FREM2: variants seen among roughly 807,000 people sequenced by gnomAD.
The protein encoded by FREM2 is FRAS1 related extracellular matrix 2.
A neutral mutation model predicts 219.9 loss-of-function variants in FREM2; 119 were observed. That is an observed-to-expected ratio of 0.54 (90% CI 0.47 to 0.63). The LOEUF (loss-of-function observed/expected upper bound fraction) is 0.63, where lower values mean the gene tolerates loss of function less well. Ranked by LOEUF, FREM2 falls within the 30% of genes least tolerant of loss-of-function variation. The pLI is 0.00. For synonymous variants in FREM2, 1,562 were observed against 1,522.8 expected, an observed-to-expected ratio of 1.03 and a Z score of -0.60; for missense variants, 4,030 against 3,993.6, an observed-to-expected ratio of 1.01 and a Z score of -0.25.
rs1328977299 is a variant in FREM2, at chr13:38,689,592, G to A, written c.2248G>A (p.Asp750Asn). The change falls in exon 1 of 24, where the codon GAC becomes AAC. Residue 750 changes from aspartate (D) to asparagine (N), a missense_variant. By Grantham distance (23) the Asp-to-Asn change is conservative (BLOSUM62 1). Coordinates refer to ENST00000280481, the MANE Select transcript of FREM2 (RefSeq NM_207361.6). ...YTVTQPPTDT[D>N]ENHLPAPLGT... ...AGTGACTCAGCCCCCCACAGACACA[G>A]ACGAAAATCACCTGCCAGCCCCACT... 1.2e-6 allele frequency: 2 copies of A among 1,613,156 alleles called. No individual in the cohort carries two copies. Among genetic ancestry groups the A allele is most frequent in the South Asian group, 1.1e-5 (1 of 90,908 alleles).
At chr13:38,846,798 G>T (rs933704158) in intron 7 of FREM2, 76 bp downstream of exon 7, 1 of 1,488,006 alleles carries the variant, frequency 6.7e-7, no homozygotes. Context: ...ATTTAAAGCT[G>T]AAATACTTCA....
At chr13:38,703,472 G>T (rs1252332946) in intron 2 of FREM2, among the ~76,000 whole-genome samples, 2 of 152,094 alleles carry the variant, frequency 1.3e-5, no homozygotes, top group African/African-American at 4.8e-5. Flanking sequence ...TACAGATCTT[G>T]GGAAGGAGTG....
intron 6 of FREM2, among the ~76,000 whole-genome samples, chr13:38,836,573 C>T (rs899765764): frequency 5.3e-5 from 8 of 152,138 alleles, no homozygotes; most frequent in African/African-American, 1.9e-4. Context: ...CCATCTGGCC[C>T]TGGGCTTCTT....
rs1305291349 is a variant in FREM2, at chr13:38,690,690, G to A, written c.3346G>A (p.Glu1116Lys). The A allele has an allele frequency of 6.2e-7, 1 of 1,613,820 alleles. No individual in the cohort carries two copies. The highest frequency in any genetic ancestry group is 8.5e-7 in the Non-Finnish European group (1 of 1,180,028). ...TATTCAGCCTACTTCAGGTTATGTT[G>A]AAAACATTTCTCCAGCACCAGGCTC... ...IVIQPTSGYV[E>K]NISPAPGSEK... The change falls in exon 1 of 24, where the codon GAA becomes AAA. Residue 1116 changes from glutamate to lysine, a missense_variant. This residue lies in a region of FREM2 where 3,102 missense variants were observed against 2,950.7 expected (regional missense o/e 1.05). Coordinates refer to ENST00000280481, the MANE Select transcript of FREM2 (RefSeq NM_207361.6).
chr13:38,769,283 T>A (rs1873559486), intron 3 of FREM2, among the ~76,000 whole-genome samples: 1 of 152,174 alleles, frequency 6.6e-6, no homozygotes, highest in Admixed American at 6.6e-5. Flanking sequence ...TATTGAACAA[T>A]GTGAATATAC....
chr13:38,706,471 G>T (rs1870544590), intron 2 of FREM2, among the ~76,000 whole-genome samples: 1 of 152,172 alleles, frequency 6.6e-6, no homozygotes, highest in Non-Finnish European at 1.5e-5. Flanking sequence ...TTTAGGCACT[G>T]AGAAGAGCTT....
chr13:38,868,448 G>C (rs1878046311), intron 16 of FREM2, among the ~76,000 whole-genome samples: 1 of 152,178 alleles, frequency 6.6e-6, no homozygotes, highest in African/African-American at 2.4e-5. Context: ...ACTAGCCCAG[G>C]TTCGTGTAGC....
Position 38,784,749 on chromosome 13 carries a change from G to C in FREM2, c.5960G>C (p.Gly1987Ala), listed in dbSNP as rs1566141330. Reference protein sequence around the residue: ...FHVLLSMPMGGRIGSEFPGAQ... With the variant: ...FHVLLSMPMGARIGSEFPGAQ... ...GTCCTTCTGAGCATGCCCATGGGGG[G>C]AAGAATCGGATCAGAGTTCCCAGGG... is the stretch of plus-strand genomic sequence containing the variant. The change falls in exon 6 of 24, where the codon GGA (glycine) becomes GCA (alanine). Residue 1987 changes from glycine to alanine, a missense_variant. Gly to Ala is a moderately conservative substitution (Grantham distance 60). Around this residue, in one of 2 missense-constraint regions of FREM2, gnomAD observed 3,102 missense variants for 2,950.7 expected, o/e 1.05. Transcript: ENST00000280481. 4 of 1,614,150 alleles carry C rather than the reference G, an allele frequency of 2.5e-6. No homozygotes were observed. Among genetic ancestry groups the C allele is most frequent in the East Asian group, 2.2e-5 (1 of 44,870 alleles).
At chr13:38,795,715 C>A (rs1010449131) in intron 6 of FREM2, among the ~76,000 whole-genome samples, 1 of 152,156 alleles carries the variant, frequency 6.6e-6, no homozygotes, top group Non-Finnish European at 1.5e-5. Context: ...TTTGTACTCA[C>A]AAACACACCT....
chr13:38,797,816 G>C (rs1874853306), intron 6 of FREM2, among the ~76,000 whole-genome samples: 3 of 152,040 alleles, frequency 2.0e-5, no homozygotes, highest in African/African-American at 7.2e-5. Flanking sequence ...TGTATATGGT[G>C]AGAGACAGGG....
chr13:38,746,133 A>G (rs1166968127), intron 2 of FREM2, among the ~76,000 whole-genome samples: 1 of 152,202 alleles, frequency 6.6e-6, no homozygotes, highest in East Asian at 1.9e-4. Flanking sequence ...ATCTCTGTTC[A>G]TCTGTCCTAA....
At chr13:38,707,763 A>G (rs1870597222) in intron 2 of FREM2, among the ~76,000 whole-genome samples, 1 of 152,230 alleles carries the variant, frequency 6.6e-6, no homozygotes, top group Non-Finnish European at 1.5e-5. Flanking sequence ...GAAAAGAACC[A>G]TTTTGTGTCC....
At chr13:38,717,974 A>C (rs1250008888) in intron 2 of FREM2, among the ~76,000 whole-genome samples, 1 of 152,222 alleles carries the variant, frequency 6.6e-6, no homozygotes, top group African/African-American at 2.4e-5. Flanking sequence ...CATGCTCATT[A>C]TAAGAGAAAT....
rs41286130 is a variant in FREM2, at chr13:38,857,880, G to A, written c.7062G>A (p.Thr2354=). The part of the protein sequence containing the change: ...DENMIAEMQL[T]KAIVYIEEMS... ...TAATTGTCTTTTCCTTCTAGTTGAC[G>A]AAAGCCATTGTGTACATAGAAGAAA... The change falls in exon 13 of 24, where the codon ACG becomes ACA. Residue 2354 remains threonine, a synonymous_variant. Coordinates refer to ENST00000280481, the MANE Select transcript of FREM2 (RefSeq NM_207361.6). 825 of 1,613,118 alleles carry A rather than the reference G, an allele frequency of 5.1e-4. No individual in the cohort carries two copies. Among genetic ancestry groups the A allele is most frequent in the Non-Finnish European group, 6.2e-4 (728 of 1,179,138 alleles).
intron 4 of FREM2, 26 bp from the exon 5 acceptor site, chr13:38,783,044 T>C (rs771069308): frequency 1.2e-6 from 2 of 1,612,306 alleles, no homozygotes; most frequent in East Asian, 2.2e-5. Flanking sequence ...ACAAAAATAA[T>C]GCTTGCAATT....
At chr13:38,822,405 A>G (rs1217439090) in intron 6 of FREM2, among the ~76,000 whole-genome samples, 1 of 138,588 alleles carries the variant, frequency 7.2e-6, no homozygotes, top group Non-Finnish European at 1.5e-5. Context: ...GTAATTTTTG[A>G]GAGCACACTC....
intron 16 of FREM2, among the ~76,000 whole-genome samples, chr13:38,872,169 C>G (rs1372702283): frequency 6.6e-6 from 1 of 152,134 alleles, no homozygotes; most frequent in Non-Finnish European, 1.5e-5. Flanking sequence ...ACCTTGAAAA[C>G]ATTATGCTAA....
In FREM2 at chr13:38,689,211, G is replaced by A. The variant is rs771066976; in HGVS notation, c.1867G>A (p.Glu623Lys). The change falls in exon 1 of 24, where the codon GAA (glutamate) becomes AAA (lysine). Residue 623 changes from glutamate (E) to lysine (K), a missense_variant. By Grantham distance (56) the Glu-to-Lys change is moderately conservative. Coordinates refer to ENST00000280481, the MANE Select transcript of FREM2 (RefSeq NM_207361.6). ...RQTHPPHEKQ[E>K]LLRGLWRKEG... ...AACTCACCCTCCCCATGAGAAGCAG[G>A]AACTTCTCAGAGGCCTTTGGAGGAA... 6.2e-7 allele frequency: 1 copy of A among 1,613,854 alleles called. No homozygotes were observed. Among genetic ancestry groups the A allele is most frequent in the Non-Finnish European group, 8.5e-7 (1 of 1,179,934 alleles).
intron 23 of FREM2, among the ~76,000 whole-genome samples, 163 bp downstream of exon 23, chr13:38,879,140 T>A (rs1046994982): frequency 6.6e-6 from 1 of 152,266 alleles, no homozygotes; most frequent in Non-Finnish European, 1.5e-5. Context: ...TACATAACCC[T>A]ATGCTGGGCA....
Sources: gnomAD v4.1 joint callset for allele counts (sites outside exome capture counted in the v4.1 genomes callset) on GRCh38, gnomAD v4.1.1 for gene constraint, gnomAD v4.1.1 regional missense constraint, MANE v1.5 for transcripts, NCBI Gene and HGNC (gene_info 2026-07-23, HGNC 2026-07-21) for gene names.